EDRF1: variants seen among roughly 807,000 people sequenced by gnomAD.
EDRF1 encodes the protein erythroid differentiation-related factor 1.
EDRF1 carries 69 observed loss-of-function variants against 148.7 expected under a neutral mutation model. That is an observed-to-expected ratio of 0.46 (90% CI 0.38 to 0.57). EDRF1 has a LOEUF of 0.57. Ranked by LOEUF, EDRF1 falls within the 20% of genes least tolerant of loss-of-function variation. The pLI is 0.00. For missense variants in EDRF1, 1,118 were observed against 1,478.7 expected, an observed-to-expected ratio of 0.76 and a Z score of 4.00; for synonymous variants, 515 against 532.8, an observed-to-expected ratio of 0.97 and a Z score of 0.46.
rs1329645375 is a variant in EDRF1 at position 125,741,242 on chromosome 10, G to T, written c.2371+41G>T. 3 of 1,550,230 alleles carry T rather than the reference G, an allele frequency of 1.9e-6. No individual in the cohort carries two copies. The Admixed American group carries it at 5.0e-5, about 26-fold the overall frequency. On this transcript the variant is annotated intron_variant, in intron 17 of 24. Coordinates refer to ENST00000356792, the MANE Select transcript of EDRF1 (RefSeq NM_001202438.2). ...GGACCACGTGGTTCACAGTGGGACT[G>T]TGCAGTCTAGCTCATGCTTATTTGA...
chr10:125,749,594 T>C (rs765618917), intron 22 of EDRF1, 29 bp downstream of exon 22: 2 of 1,611,436 alleles, frequency 1.2e-6, no homozygotes, highest in Non-Finnish European at 1.7e-6. Flanking sequence ...TTCTCAGATA[T>C]GTATGCATTG....
chr10:125,731,998 G>A (rs1050948780), intron 9 of EDRF1: 11 of 381,740 alleles, frequency 2.9e-5, no homozygotes, highest in African/African-American at 2.3e-4. Context: ...CTGAGGACAT[G>A]CTTTGAACCG....
chr10:125,750,095 C>T (rs563464995), intron 22 of EDRF1, among the ~76,000 whole-genome samples: 136 of 152,244 alleles, frequency 8.9e-4, no homozygotes, highest in African/African-American at 3.0e-3. Context: ...GAGCCAAGAT[C>T]GTGCCACTGC....
intron 24 of EDRF1, among the ~76,000 whole-genome samples, chr10:125,761,965 A>C (rs1276020321): frequency 6.6e-6 from 1 of 152,210 alleles, no homozygotes; most frequent in African/African-American, 2.4e-5. Context: ...CAAAACTAAA[A>C]TCTAGCCAAT....
In EDRF1 at chr10:125,725,456, T is replaced by C. The variant is rs751664167; in HGVS notation, c.635+14T>C. ...TTTATATTACAGGTACTTGGCTACT[T>C]ATTTATCTCTAAAGAGAAAAAGGGA... On this transcript the variant is annotated intron_variant, in intron 5 of 24. Transcript: ENST00000356792. 1.2e-6 allele frequency: 2 copies of C among 1,613,622 alleles called. No homozygotes were observed. The highest frequency in any genetic ancestry group is 1.7e-6 in the Non-Finnish European group (2 of 1,179,756).
In EDRF1 at chr10:125,760,794, C is replaced by G. The variant is rs189012592; in HGVS notation, c.3546-2507C>G. On this transcript the variant is annotated intron_variant, in intron 24 of 24. Transcript: ENST00000356792. Reference sequence around the variant, plus strand: ...TCCAAGGATTCTGCATCCACAGATTCAACCAACCACAGACTGAAAATATTA... The same window carrying G: ...TCCAAGGATTCTGCATCCACAGATTGAACCAACCACAGACTGAAAATATTA... Among the ~76,000 whole-genome samples the G allele has an allele frequency of 5.3e-5, 8 of 152,204 alleles. No individual in the cohort carries two copies. In the East Asian group the frequency reaches 1.5e-3, roughly 29 times the overall value.
intron 15 of EDRF1, among the ~76,000 whole-genome samples, chr10:125,738,831 C>T (rs1053345946): frequency 4.0e-5 from 6 of 151,898 alleles, no homozygotes; most frequent in Non-Finnish European, 5.9e-5. Context: ...AAAATGGAGA[C>T]GATAATAATG....
chr10:125,743,141 A>G lies in EDRF1; in HGVS notation c.2455A>G (p.Ile819Val). 2 of 1,613,998 alleles carry G rather than the reference A, an allele frequency of 1.2e-6. No individual in the cohort carries two copies. Among genetic ancestry groups the G allele is most frequent in the East Asian group, 2.2e-5 (1 of 44,810 alleles). The change falls in exon 18 of 25, where the codon ATC becomes GTC. Residue 819 changes from isoleucine (I) to valine (V), a missense_variant. This residue lies in a region of EDRF1 where 954 missense variants were observed against 1,241.4 expected (regional missense o/e 0.77). Coordinates refer to ENST00000356792, the MANE Select transcript of EDRF1 (RefSeq NM_001202438.2). ...SCKCYEAANE[I>V]LQFSDLKSQN... Reference sequence around the variant, plus strand: ...TAAATGTTATGAGGCTGCTAATGAAATCTTGCAGTTTAGTGACTTGAAAAG... The same window carrying G: ...TAAATGTTATGAGGCTGCTAATGAAGTCTTGCAGTTTAGTGACTTGAAAAG...
Position 125,763,722 on chromosome 10 carries a change from C to A in EDRF1, c.*250C>A. On this transcript the variant is annotated 3_prime_UTR_variant, in exon 25 of 25. Coordinates refer to ENST00000356792, the MANE Select transcript of EDRF1 (RefSeq NM_001202438.2). This position sits in a 1 kb window ranked among gnomAD's most constrained non-coding sequence, Gnocchi z 4.3. ...TATGTCTTTGAGAAGTATGTAGTAC[C>A]TCGGTATTAACAGACCTGCTGTGAT... The A allele has an allele frequency of 1.9e-6, 1 of 540,398 alleles. No individual in the cohort carries two copies. The highest frequency in any genetic ancestry group is 3.3e-6 in the Non-Finnish European group (1 of 301,512). 33.5% of individuals were successfully genotyped at this position (540,398 alleles called of 1,614,324 possible).
intron 14 of EDRF1, 54 bp from the exon 15 acceptor site, chr10:125,738,240 GT>G: frequency 6.2e-7 from 1 of 1,601,276 alleles, no homozygotes; most frequent in Non-Finnish European, 8.6e-7. Flanking sequence ...CTTATATTTA[GT>G]TTTCAGTTGA....
intron 22 of EDRF1, among the ~76,000 whole-genome samples, chr10:125,752,427 T>C (rs1849688127): frequency 6.6e-6 from 1 of 152,150 alleles, no homozygotes; most frequent in African/African-American, 2.4e-5. Context: ...ATAAACTATT[T>C]TACAGATAGG....
chr10:125,729,247 G>T, intron 7 of EDRF1, 111 bp from the exon 8 acceptor site: 1 of 1,485,072 alleles, frequency 6.7e-7, no homozygotes. Flanking sequence ...TCTTAGCTCT[G>T]GGGCCTGACT....
In EDRF1 at chr10:125,747,700, A is replaced by C; in HGVS notation, c.2973+6A>C. 6.2e-7 allele frequency: 1 copy of C among 1,614,160 alleles called. No homozygotes were observed. The highest frequency in any genetic ancestry group is 8.5e-7 in the Non-Finnish European group (1 of 1,180,006). On this transcript the variant is annotated splice_donor_region_variant and intron_variant, in intron 20 of 24. Transcript: ENST00000356792. ...CTAGAAAAGCTCAGGAGCAGGTGAT[A>C]ATATTTGCTGGAGTATAAAATAAGT...
chr10:125,762,120 C>T (rs772317925), intron 24 of EDRF1, among the ~76,000 whole-genome samples: 3 of 152,008 alleles, frequency 2.0e-5, no homozygotes, highest in African/African-American at 7.3e-5. Context: ...GATGGGGATC[C>T]TGTGGAGGAG....
chr10:125,753,714 T>C lies in EDRF1; in HGVS notation c.3414T>C (p.Ala1138=), dbSNP rs1438551234. The change falls in exon 24 of 25, where the codon GCT becomes GCC. Residue 1138 remains alanine (A), a synonymous_variant. Transcript: ENST00000356792. ...TTTAGCCTAAGAGTGGTGACGCCGC[T>C]GCAGCTGCTGATGCTTCTCCTAGTC... ...EFGQPKSGDA[A]AAADASPSLN... is the part of the protein sequence containing the mutation. 2 of 1,614,136 alleles carry C rather than the reference T, an allele frequency of 1.2e-6. No individual in the cohort carries two copies. The highest frequency in any genetic ancestry group is 2.2e-5 in the South Asian group (2 of 91,072).
At chr10:125,745,428 A>C in intron 18 of EDRF1, 1 of 455,044 alleles carries the variant, frequency 2.2e-6, no homozygotes, top group Non-Finnish European at 4.0e-6. Flanking sequence ...CCACCCTTAC[A>C]ATCTCATTTA....
At chr10:125,737,353 G>A (rs1286112388) in intron 13 of EDRF1, among the ~76,000 whole-genome samples, 7 of 152,116 alleles carry the variant, frequency 4.6e-5, no homozygotes, top group Non-Finnish European at 7.4e-5. Flanking sequence ...GAATGACTTT[G>A]TGGTATGGAC....
At chr10:125,729,533 A>G in intron 8 of EDRF1, 54 bp downstream of exon 8, 2 of 1,609,622 alleles carry the variant, frequency 1.2e-6, no homozygotes, top group Non-Finnish European at 1.7e-6. Context: ...TTCTTCCTTT[A>G]GAATCAGTGT....
At chr10:125,742,278 C>T (rs569603724) in intron 17 of EDRF1, 1 of 1,289,038 alleles carries the variant, frequency 7.8e-7, no homozygotes, top group African/African-American at 1.5e-5. Flanking sequence ...CTCCCTCTTA[C>T]CTCAGCACAG....
Sources: gnomAD v4.1 joint callset for allele counts (sites outside exome capture counted in the v4.1 genomes callset) on GRCh38, gnomAD v4.1.1 for gene constraint, gnomAD v4.1.1 regional missense constraint, Gnocchi (gnomAD v3.1) non-coding constraint, MANE v1.5 for transcripts, NCBI Gene and HGNC (gene_info 2026-07-23, HGNC 2026-07-21) for gene names.